The following ARHGAP18 variants were observed in gnomAD, a reference collection of about 807,000 sequenced individuals.
ARHGAP18 encodes rho GTPase-activating protein 18.
A neutral mutation model predicts 86.2 loss-of-function variants in ARHGAP18; 67 were observed. The observed-to-expected ratio is 0.78, with a 90% CI of 0.64 to 0.95. The LOEUF (loss-of-function observed/expected upper bound fraction) is 0.95. Among genes scored for constraint, ARHGAP18 ranks in the 40% least tolerant of loss-of-function variants. The pLI, the probability that ARHGAP18 is intolerant of heterozygous loss-of-function variation, is 0.00. For synonymous variants in ARHGAP18, 283 were observed against 280.4 expected (o/e 1.01, Z -0.09); for missense variants, 691 against 780.4 (o/e 0.89, Z 1.37).
intron 1 of ARHGAP18, among the ~76,000 whole-genome samples, chr6:129,698,423 A>G (rs928521123): frequency 6.6e-6 from 1 of 152,218 alleles, no homozygotes; most frequent in East Asian, 1.9e-4. Context: ...GCATTCAGAA[A>G]TAAGCCAGAT....
At chr6:129,634,012 A>G (rs1156441071) in intron 4 of ARHGAP18, 30 bp downstream of exon 4, 2 of 1,576,664 alleles carry the variant, frequency 1.3e-6, no homozygotes, top group Non-Finnish European at 1.7e-6. Context: ...GGCGGAAAAA[A>G]AAAAAAACAA....
chr6:129,638,331 A>G, intron 3 of ARHGAP18, 63 bp downstream of exon 3: 1 of 1,455,492 alleles, frequency 6.9e-7, no homozygotes, highest in Non-Finnish European at 9.6e-7. Flanking sequence ...GAATTAAACC[A>G]GATTGATCCA....
intron 4 of ARHGAP18, among the ~76,000 whole-genome samples, chr6:129,633,508 G>C (rs1465763169): frequency 1.3e-5 from 2 of 151,158 alleles, no homozygotes; most frequent in South Asian, 4.2e-4. Flanking sequence ...ACAAATGTTA[G>C]CAGAGAAACA....
intron 7 of ARHGAP18, among the ~76,000 whole-genome samples, chr6:129,612,526 G>T (rs1001479422): frequency 1.3e-5 from 2 of 151,950 alleles, no homozygotes; most frequent in African/African-American, 4.8e-5. Context: ...TTCTCTGCAT[G>T]CCCTAAGGCA....
At chr6:129,611,473 T>C (rs1788978044) in intron 8 of ARHGAP18, 60 bp downstream of exon 8, 1 of 1,473,570 alleles carries the variant, frequency 6.8e-7, no homozygotes, top group Non-Finnish European at 9.4e-7. Flanking sequence ...AGTTAGCTTT[T>C]AAAATGCATA....
chr6:129,618,865 T>C lies in ARHGAP18; in HGVS notation c.787-13A>G. On this transcript the variant is annotated splice_polypyrimidine_tract_variant and intron_variant, in intron 5 of 14. Transcript: ENST00000368149. ...GCAATCTGAAACTCTAAAATAAACATCATTAATATAGTAAAAGCTTACAGT... is the reference window on the plus strand; with the variant it reads ...GCAATCTGAAACTCTAAAATAAACACCATTAATATAGTAAAAGCTTACAGT... The C allele has an allele frequency of 6.2e-7, 1 of 1,607,962 alleles. No individual in the cohort carries two copies. The highest frequency in any genetic ancestry group is 8.5e-7 in the Non-Finnish European group (1 of 1,177,756).
intron 2 of ARHGAP18, among the ~76,000 whole-genome samples, chr6:129,640,051 AAAAAAAAAAAAAAC>A (rs915289282): frequency 3.3e-5 from 5 of 150,992 alleles, no homozygotes; most frequent in Non-Finnish European, 5.9e-5. Flanking sequence ...TCAAAAAAAA[AAAAAAAAAAAAAAC>A]AAACAAAAGT....
At chr6:129,598,941 G>GGGGTGT (rs139994403) in intron 12 of ARHGAP18, 22 of 212,622 alleles carry the variant, frequency 1.0e-4, no homozygotes, top group African/African-American at 4.6e-4. Context: ...GGGGTGTAGG[G>GGGGTGT]GTGTGTGTGT....
At chr6:129,589,974 G>A (rs1012363568) in intron 12 of ARHGAP18, among the ~76,000 whole-genome samples, 2 of 152,174 alleles carry the variant, frequency 1.3e-5, no homozygotes, top group African/African-American at 2.4e-5. Context: ...GGAGTCCAAT[G>A]TTCCAGAGCA....
At chr6:129,672,080 C>T (rs1774151162) in intron 1 of ARHGAP18, among the ~76,000 whole-genome samples, 3 of 152,042 alleles carry the variant, frequency 2.0e-5, no homozygotes, top group Non-Finnish European at 2.9e-5. Context: ...CTCATATCAC[C>T]ACCCACACGT....
chr6:129,621,375 T>C (rs1789225306), intron 5 of ARHGAP18, among the ~76,000 whole-genome samples: 1 of 152,002 alleles, frequency 6.6e-6, no homozygotes, highest in Non-Finnish European at 1.5e-5. Context: ...TCGTAATGTG[T>C]TTTTTTTCCT....
At chr6:129,652,102 G>T (rs4487604) in intron 1 of ARHGAP18, among the ~76,000 whole-genome samples, 44,405 of 152,098 alleles carry the variant, frequency 0.29, 6,467 homozygotes, top group African/African-American at 0.32. Flanking sequence ...CCACCTAGTT[G>T]ATGGCATTTT....
intron 5 of ARHGAP18, 64 bp from the exon 6 acceptor site, chr6:129,618,916 A>C: frequency 7.2e-7 from 1 of 1,390,714 alleles, no homozygotes; most frequent in Non-Finnish European, 9.9e-7. Context: ...TAATGCAGGA[A>C]GGAAAAACCA....
chr6:129,614,273 A>G (rs1194863078), intron 7 of ARHGAP18, among the ~76,000 whole-genome samples: 1 of 152,226 alleles, frequency 6.6e-6, no homozygotes, highest in Non-Finnish European at 1.5e-5. Flanking sequence ...ATTTTACAAA[A>G]TACAGATATG....
intron 5 of ARHGAP18, among the ~76,000 whole-genome samples, chr6:129,626,089 C>CACACACAA: frequency 7.6e-6 from 1 of 131,868 alleles, no homozygotes; most frequent in African/African-American, 2.7e-5. Flanking sequence ...CACACACACA[C>CACACACAA]ACACACACAC....
chr6:129,606,792 C>T (rs1788862323), intron 9 of ARHGAP18, among the ~76,000 whole-genome samples: 1 of 151,722 alleles, frequency 6.6e-6, no homozygotes, highest in Admixed American at 6.6e-5. Flanking sequence ...CTCATGAAAC[C>T]ATCTCAATAT....
intron 1 of ARHGAP18, among the ~76,000 whole-genome samples, chr6:129,647,592 T>C (rs1251808575): frequency 6.6e-6 from 1 of 152,072 alleles, no homozygotes; most frequent in Non-Finnish European, 1.5e-5. Context: ...GGACAAGAAG[T>C]GACTGAGTTG....
In ARHGAP18 at chr6:129,629,401, G is replaced by T. The variant is rs773613072; in HGVS notation, c.738C>A (p.Ser246Arg). Residue 246 changes from serine to arginine, a missense_variant, in exon 5 of 15, where the codon AGC becomes AGA. Coordinates refer to ENST00000368149, the MANE Select transcript of ARHGAP18 (RefSeq NM_033515.3). ...TGCTCTTCTGGATTTTCTCCTTGGA[G>T]CTCTCTTTCTGATTGAGTGCTTGCT... is the stretch of plus-strand genomic sequence containing the variant. ...FAEQALNQKE[S>R]SKEKIQKSKG... 6.2e-7 allele frequency: 1 copy of T among 1,613,848 alleles called. No individual in the cohort carries two copies. Among genetic ancestry groups the T allele is most frequent in the Non-Finnish European group, 8.5e-7 (1 of 1,179,944 alleles).
Position 129,596,117 on chromosome 6 carries a change from T to C in ARHGAP18, c.1713+3099A>G, listed in dbSNP as rs75616885. ...CAGCCTAAGGAATCATTTTAAAACA[T>C]AGTATAGATTTTCAAGCCTTTGCTT... On this transcript the variant is annotated intron_variant, in intron 12 of 14. Coordinates refer to ENST00000368149, the MANE Select transcript of ARHGAP18 (RefSeq NM_033515.3). 1.0e-3 allele frequency among the ~76,000 whole-genome samples: 159 copies of C among 152,272 alleles called. 6 individuals are homozygous for C. In the East Asian group the frequency reaches 0.028, roughly 27 times the overall value.
Sources: allele counts gnomAD v4.1 joint callset (sites outside exome capture counted in the v4.1 genomes callset), GRCh38; gene constraint gnomAD v4.1.1; transcripts MANE v1.5; gene names NCBI Gene and HGNC (gene_info 2026-07-23, HGNC 2026-07-21).